Variants in APMAP observed in about 807,000 individuals in gnomAD.
APMAP encodes the protein adipocyte plasma membrane-associated protein.
In APMAP, 33 loss-of-function variants were observed where a neutral mutation model predicts 43.6. The observed-to-expected ratio is 0.76, with a 90% CI of 0.57 to 1.01. The LOEUF is 1.01. Among genes scored for constraint, APMAP ranks in the 50% least tolerant of loss-of-function variants. The pLI is 0.00. For missense variants in APMAP, 498 were observed against 540.7 expected, an observed-to-expected ratio of 0.92 and a Z score of 0.78; for synonymous variants, 224 against 216.7, an observed-to-expected ratio of 1.03 and a Z score of -0.30.
chr20:24,980,928 G>A (rs1176327926), intron 2 of APMAP, among the ~76,000 whole-genome samples: 7 of 152,210 alleles, frequency 4.6e-5, no homozygotes, highest in Non-Finnish European at 2.9e-5. Flanking sequence ...GCCAGCAGAC[G>A]GGGCAGAAAC....
Position 24,973,727 on chromosome 20 carries a change from A to C in APMAP, c.339T>G (p.Phe113Leu), listed in dbSNP as rs1308389453. The change falls in exon 4 of 9, where the codon TTT becomes TTG. Residue 113 changes from phenylalanine to leucine, a missense_variant. Coordinates refer to ENST00000217456, the MANE Select transcript of APMAP (RefSeq NM_020531.3). ...ESIAHIGDVMFTGTADGRVVK... is the reference protein window; with the variant it reads ...ESIAHIGDVMLTGTADGRVVK... ...CGACCCGGCCATCTGCTGTCCCAGT[A>C]AACATCACATCTGTTTAAAAACACA... 1 of 1,614,062 alleles carries C rather than the reference A, an allele frequency of 6.2e-7. No homozygotes were observed. Among genetic ancestry groups the C allele is most frequent in the Non-Finnish European group, 8.5e-7 (1 of 1,179,914 alleles).
chr20:24,992,631 C>A lies in APMAP; in HGVS notation c.58G>T (p.Asp20Tyr), dbSNP rs866486382. Residue 20 changes from aspartate (D) to tyrosine (Y), a missense_variant, in exon 1 of 9, where the codon GAC becomes TAC. By Grantham distance (160) the Asp-to-Tyr change is radical. Transcript: ENST00000217456. The stretch of plus-strand genomic sequence containing the variant: ...GCCTCCGGGGCCTGGCCATCATCGT[C>A]TGTGACGACCTGCGGCCGCAGGGGC... The part of the protein sequence containing the change: ...RRPLRPQVVT[D>Y]DDGQAPEAKD... The A allele has an allele frequency of 6.4e-7, 1 of 1,571,486 alleles. No homozygotes were observed. Among genetic ancestry groups the A allele is most frequent in the Non-Finnish European group, 8.6e-7 (1 of 1,159,710 alleles).
intron 8 of APMAP, among the ~76,000 whole-genome samples, chr20:24,966,862 G>C (rs2087948474): frequency 6.6e-6 from 1 of 152,202 alleles, no homozygotes; most frequent in African/African-American, 2.4e-5. Context: ...GAAGGAGAAT[G>C]TGCCAAACAC....
chr20:24,965,451 G>A (rs1600278604), intron 8 of APMAP, among the ~76,000 whole-genome samples: 2 of 152,232 alleles, frequency 1.3e-5, no homozygotes, highest in Admixed American at 6.5e-5. Flanking sequence ...GCTGAGCAGG[G>A]TACATGTGTG....
intron 1 of APMAP, among the ~76,000 whole-genome samples, chr20:24,986,303 C>G (rs1330655764): frequency 6.6e-6 from 1 of 152,204 alleles, no homozygotes; most frequent in Non-Finnish European, 1.5e-5. Context: ...ATTGCCAGTC[C>G]TTACCCCTTT....
At chr20:24,973,424 C>T (rs371220903) in intron 4 of APMAP, among the ~76,000 whole-genome samples, 2 of 152,340 alleles carry the variant, frequency 1.3e-5, no homozygotes, top group African/African-American at 4.8e-5. Flanking sequence ...ACAGCCACTA[C>T]CCAGCTGCAA....
intron 8 of APMAP, chr20:24,964,290 G>C: frequency 3.1e-6 from 2 of 646,468 alleles, no homozygotes; most frequent in South Asian, 3.0e-5. Flanking sequence ...CACATCTCTG[G>C]ATGGCCTGGC....
chr20:24,977,735 T>C (rs1287315851), intron 3 of APMAP, among the ~76,000 whole-genome samples: 2 of 152,252 alleles, frequency 1.3e-5, no homozygotes, highest in Non-Finnish European at 2.9e-5. Context: ...GCACTTCAAC[T>C]GCTGTTAAGT....
intron 3 of APMAP, chr20:24,974,236 T>C (rs2088031008): frequency 6.6e-6 from 1 of 152,328 alleles, no homozygotes; most frequent in African/African-American, 2.4e-5. Flanking sequence ...AGCATGCCCC[T>C]TGAGCAATGA....
In APMAP at chr20:24,983,899, C is replaced by A; in HGVS notation, c.212+4G>T. ...CCCCTCCTGAGGACTGCGGGGCAGC[C>A]TACCTGAGAGGCTGTGGATCTATAG... is the stretch of plus-strand genomic sequence containing the variant. On this transcript the variant is annotated splice_donor_region_variant and intron_variant, in intron 2 of 8. Coordinates refer to ENST00000217456, the MANE Select transcript of APMAP (RefSeq NM_020531.3). The A allele has an allele frequency of 6.3e-7, 1 of 1,598,602 alleles. No individual in the cohort carries two copies.
intron 3 of APMAP, among the ~76,000 whole-genome samples, chr20:24,977,831 T>G (rs6037000): frequency 0.09 from 13,672 of 152,312 alleles, 697 homozygotes; most frequent in Middle Eastern, 0.12. Context: ...AATGTCTTTT[T>G]AAGAGAAATA....
chr20:24,983,285 T>C (rs1215772682), intron 2 of APMAP, among the ~76,000 whole-genome samples: 1 of 152,182 alleles, frequency 6.6e-6, no homozygotes, highest in African/African-American at 2.4e-5. Context: ...CTTCACCCCA[T>C]CAGCAGTTGC....
At chr20:24,979,322 A>T (rs2088080084) in intron 2 of APMAP, among the ~76,000 whole-genome samples, 1 of 152,200 alleles carries the variant, frequency 6.6e-6, no homozygotes, top group Non-Finnish European at 1.5e-5. Context: ...AGATGGAAGG[A>T]GCAAGGGGAG....
Position 24,971,443 on chromosome 20 carries a change from G to A in APMAP, c.538+17C>T, listed in dbSNP as rs960609869. On this transcript the variant is annotated intron_variant, in intron 5 of 8. Coordinates refer to ENST00000217456, the MANE Select transcript of APMAP (RefSeq NM_020531.3). ...ATCTAAAATCTTCATAGAAGGAAAC[G>A]AGATATTGTCACATACGTTTCCAGG... The A allele has an allele frequency of 7.5e-6, 12 of 1,594,982 alleles. No individual in the cohort carries two copies. Among genetic ancestry groups the A allele is most frequent in the Admixed American group, 1.7e-5 (1 of 59,702 alleles).
intron 2 of APMAP, among the ~76,000 whole-genome samples, chr20:24,983,421 C>A (rs1026453762): frequency 2.0e-5 from 3 of 152,184 alleles, no homozygotes; most frequent in Admixed American, 1.3e-4. Context: ...AAACATGAAT[C>A]TATTTCAGGG....
At chr20:24,969,918 C>A (rs762692461) in intron 6 of APMAP, among the ~76,000 whole-genome samples, 3 of 152,248 alleles carry the variant, frequency 2.0e-5, no homozygotes, top group Non-Finnish European at 4.4e-5. Context: ...CTCAGAGAGG[C>A]AACCCAAAGC....
intron 2 of APMAP, among the ~76,000 whole-genome samples, chr20:24,979,987 A>G (rs747074908): frequency 3.3e-5 from 5 of 151,922 alleles, no homozygotes; most frequent in African/African-American, 7.3e-5. Flanking sequence ...CCTCCCCCGA[A>G]CCCAGGCCCC....
intron 1 of APMAP, among the ~76,000 whole-genome samples, chr20:24,989,498 G>A (rs1167289804): frequency 1.3e-5 from 2 of 152,226 alleles, no homozygotes; most frequent in Admixed American, 6.5e-5. Context: ...CTGAACTGAA[G>A]TCCCAACAAG....
At chr20:24,967,059 T>G (rs1333783214) in intron 8 of APMAP, among the ~76,000 whole-genome samples, 2 of 152,182 alleles carry the variant, frequency 1.3e-5, no homozygotes, top group Non-Finnish European at 2.9e-5. Context: ...TTTGGGAGGC[T>G]GAGACGGGTG....
Sources: gnomAD v4.1 joint callset for allele counts (sites outside exome capture counted in the v4.1 genomes callset) on GRCh38, gnomAD v4.1.1 for gene constraint, MANE v1.5 for transcripts, NCBI Gene and HGNC (gene_info 2026-07-23, HGNC 2026-07-21) for gene names.